Variants in FGGY observed in about 807,000 individuals in gnomAD.
FGGY encodes the protein FGGY carbohydrate kinase domain containing.
FGGY carries 72 observed loss-of-function variants against 71.3 expected under a neutral mutation model. The observed-to-expected ratio is 1.01, with a 90% CI of 0.84 to 1.23. The LOEUF (loss-of-function observed/expected upper bound fraction) is 1.23, where lower values mean the gene tolerates loss of function less well. FGGY is among the 50% of genes most tolerant of loss of function. FGGY has a pLI of 0.00. For synonymous variants in FGGY, 251 were observed against 250.3 expected (o/e 1.00, Z -0.02); for missense variants, 668 against 682.3 (o/e 0.98, Z 0.23).
chr1:59,427,043 G>A (rs141455401), intron 5 of FGGY, among the ~76,000 whole-genome samples: 10 of 152,280 alleles, frequency 6.6e-5, no homozygotes, highest in Non-Finnish European at 1.5e-4. Flanking sequence ...AACAGGATAA[G>A]CCTGACTTTC....
At chr1:59,425,606 T>C (rs1305155924) in intron 5 of FGGY, among the ~76,000 whole-genome samples, 7 of 152,182 alleles carry the variant, frequency 4.6e-5, no homozygotes. Context: ...ATGCCTGTGT[T>C]CCTATAGACA....
chr1:59,654,122 C>G (rs1351851434), intron 11 of FGGY, among the ~76,000 whole-genome samples: 1 of 152,220 alleles, frequency 6.6e-6, no homozygotes, highest in African/African-American at 2.4e-5. Flanking sequence ...TGTGGTAGCA[C>G]AGTCATCTGC....
intron 5 of FGGY, among the ~76,000 whole-genome samples, chr1:59,453,591 A>G (rs2091408172): frequency 6.6e-6 from 1 of 152,118 alleles, no homozygotes; most frequent in Non-Finnish European, 1.5e-5. Flanking sequence ...ACCTGGGGGT[A>G]TCTGATCCAG....
intron 6 of FGGY, among the ~76,000 whole-genome samples, chr1:59,469,336 CTGATAAG>C (rs1344906452): frequency 6.6e-6 from 1 of 152,182 alleles, no homozygotes; most frequent in African/African-American, 2.4e-5. Flanking sequence ...TTCTGGGCAT[CTGATAAG>C]GGCCTTCTTG....
At chr1:59,544,982 C>T (rs955613821) in intron 7 of FGGY, among the ~76,000 whole-genome samples, 1 of 152,180 alleles carries the variant, frequency 6.6e-6, no homozygotes, top group Non-Finnish European at 1.5e-5. Context: ...TGATATACTT[C>T]TGCCTCACCT....
chr1:59,760,648 A>C (rs2098333666), intron 15 of FGGY, among the ~76,000 whole-genome samples: 1 of 152,252 alleles, frequency 6.6e-6, no homozygotes, highest in South Asian at 2.1e-4. Flanking sequence ...GCCACACATC[A>C]GTGAACCTTG....
At chr1:59,495,149 G>A (rs2093992616) in intron 6 of FGGY, among the ~76,000 whole-genome samples, 1 of 152,070 alleles carries the variant, frequency 6.6e-6, no homozygotes, top group African/African-American at 2.4e-5. Flanking sequence ...TTTGAAAAGT[G>A]TTCATGTTAT....
chr1:59,472,291 A>C, intron 6 of FGGY, among the ~76,000 whole-genome samples: 1 of 152,110 alleles, frequency 6.6e-6, no homozygotes, highest in East Asian at 1.9e-4. Context: ...TGCTGTGCTC[A>C]ATTTCTCGAG....
intron 8 of FGGY, among the ~76,000 whole-genome samples, chr1:59,566,879 A>C (rs2095881313): frequency 6.6e-6 from 1 of 152,308 alleles, no homozygotes; most frequent in South Asian, 2.1e-4. Context: ...GAGGAGACTT[A>C]CTGCCCATTT....
chr1:59,701,448 C>T lies in FGGY; in HGVS notation c.1512+27315C>T, dbSNP rs1429376846. Among the ~76,000 whole-genome samples, 6 of 152,162 alleles carry T rather than the reference C, an allele frequency of 3.9e-5. No homozygotes were observed. In the East Asian group the frequency reaches 9.6e-4, roughly 24 times the overall value. ...GCATTCATTTTATCAGTAAATGCTT[C>T]TTGAGTGCCATCTGTGTGCCAACCA... On this transcript the variant is annotated intron_variant, in intron 14 of 15. Coordinates refer to ENST00000303721, the MANE Select transcript of FGGY (RefSeq NM_018291.5).
At chr1:59,559,413 A>G (rs1027037886) in intron 8 of FGGY, among the ~76,000 whole-genome samples, 1 of 152,218 alleles carries the variant, frequency 6.6e-6, no homozygotes, top group Non-Finnish European at 1.5e-5. Context: ...TCCTGAAACA[A>G]ACTCATATTT....
intron 12 of FGGY, 66 bp downstream of exon 12, chr1:59,660,359 C>G: frequency 8.4e-7 from 1 of 1,188,898 alleles, no homozygotes; most frequent in Non-Finnish European, 1.2e-6. Context: ...GCCACTGGCT[C>G]CCCAAGATAC....
intron 5 of FGGY, among the ~76,000 whole-genome samples, chr1:59,454,400 C>G (rs1199819366): frequency 6.6e-6 from 1 of 152,158 alleles, no homozygotes; most frequent in Non-Finnish European, 1.5e-5. Flanking sequence ...CATAGGTGGG[C>G]TGCCTTCTCC....
At chr1:59,754,036 G>A (rs1434243445) in intron 14 of FGGY, among the ~76,000 whole-genome samples, 3 of 152,306 alleles carry the variant, frequency 2.0e-5, no homozygotes, top group Admixed American at 6.5e-5. Flanking sequence ...TGCCAGAAAC[G>A]AGACATAGCC....
chr1:59,519,737 A>G (rs1233388106), intron 7 of FGGY, among the ~76,000 whole-genome samples: 2 of 152,166 alleles, frequency 1.3e-5, no homozygotes, highest in Admixed American at 1.3e-4. Context: ...CAGACTTTAT[A>G]TCTTGCTCCT....
intron 4 of FGGY, among the ~76,000 whole-genome samples, chr1:59,355,264 C>T (rs1330496954): frequency 6.6e-6 from 1 of 151,696 alleles, no homozygotes; most frequent in African/African-American, 2.4e-5. Context: ...TACATGTGCA[C>T]AACGTGCAGG....
At chr1:59,326,209 T>C (rs1193907536) in intron 2 of FGGY, among the ~76,000 whole-genome samples, 3 of 152,228 alleles carry the variant, frequency 2.0e-5, no homozygotes, top group African/African-American at 4.8e-5. Flanking sequence ...TTGCTAAGCA[T>C]TGGAGCATAT....
At chr1:59,434,184 G>T (rs1180369629) in intron 5 of FGGY, among the ~76,000 whole-genome samples, 1 of 152,126 alleles carries the variant, frequency 6.6e-6, no homozygotes, top group African/African-American at 2.4e-5. Flanking sequence ...TTGTTCATGG[G>T]CACCAAATTG....
chr1:59,379,628 A>G (rs1279042409), intron 5 of FGGY, among the ~76,000 whole-genome samples: 1 of 152,144 alleles, frequency 6.6e-6, no homozygotes. Flanking sequence ...AAGCTACACT[A>G]AATTTATTTT....
Sources: gnomAD v4.1 joint callset for allele counts (sites outside exome capture counted in the v4.1 genomes callset) on GRCh38, gnomAD v4.1.1 for gene constraint, MANE v1.5 for transcripts, NCBI Gene and HGNC (gene_info 2026-07-23, HGNC 2026-07-21) for gene names.